Variants in FRAS1 observed in about 807,000 individuals in gnomAD.
The protein encoded by FRAS1 is Fraser extracellular matrix complex subunit 1, also known as extracellular matrix organizing protein FRAS1.
Under a neutral mutation model 435.2 loss-of-function variants are expected in FRAS1, and 290 were observed. The ratio of observed to expected loss-of-function variants is 0.67; its 90% CI spans 0.61 to 0.73. The LOEUF (loss-of-function observed/expected upper bound fraction) is 0.73, where lower values mean the gene tolerates loss of function less well. FRAS1 is among the 30% of genes least tolerant of loss of function. FRAS1 has a pLI of 0.00. For missense variants in FRAS1, 4,860 were observed against 5,001.5 expected (o/e 0.97, Z 0.85); for synonymous variants, 1,800 against 1,851.0 (o/e 0.97, Z 0.71).
At chr4:78,177,691 A>G (rs1721836066) in intron 2 of FRAS1, among the ~76,000 whole-genome samples, 1 of 152,174 alleles carries the variant, frequency 6.6e-6, no homozygotes, top group Admixed American at 6.5e-5. Flanking sequence ...CTCCTGGTTC[A>G]TCACCATCAA....
At chr4:78,440,013 A>AT (rs1734589950) in intron 40 of FRAS1, among the ~76,000 whole-genome samples, 1 of 123,228 alleles carries the variant, frequency 8.1e-6, no homozygotes, top group African/African-American at 3.1e-5. Flanking sequence ...AAACTAAGTC[A>AT]TTTCTTTTTT....
rs143760551 is a variant in FRAS1 at position 78,195,296 on chromosome 4, A to C, written c.109-42214A>C. Among the ~76,000 whole-genome samples, 1,061 of 152,332 alleles carry C rather than the reference A, an allele frequency of 7.0e-3. 10 individuals are homozygous for C. Among genetic ancestry groups the C allele is most frequent in the Middle Eastern group, 0.027 (8 of 294 alleles). Reference sequence around the variant, plus strand: ...CTGGGAGAACCACTGCTCTCCTCAAAGCTGTCAGCCAGGGACATTTAAGTC... The same window carrying C: ...CTGGGAGAACCACTGCTCTCCTCAACGCTGTCAGCCAGGGACATTTAAGTC... On this transcript the variant is annotated intron_variant, in intron 2 of 73. Coordinates refer to ENST00000512123, the MANE Select transcript of FRAS1 (RefSeq NM_025074.7).
At chr4:78,331,945 A>G (rs1729965915) in intron 18 of FRAS1, among the ~76,000 whole-genome samples, 1 of 152,214 alleles carries the variant, frequency 6.6e-6, no homozygotes, top group Non-Finnish European at 1.5e-5. Flanking sequence ...CTCATAGCAT[A>G]AAAGGCCACA....
chr4:78,449,783 A>G (rs1718966811), intron 44 of FRAS1, among the ~76,000 whole-genome samples: 1 of 152,192 alleles, frequency 6.6e-6, no homozygotes, highest in Non-Finnish European at 1.5e-5. Flanking sequence ...CAGTAAGTAA[A>G]CTAAATCCAA....
At chr4:78,178,406 A>C (rs1197050871) in intron 2 of FRAS1, among the ~76,000 whole-genome samples, 1 of 152,248 alleles carries the variant, frequency 6.6e-6, no homozygotes, top group Non-Finnish European at 1.5e-5. Flanking sequence ...CAATTTGTAT[A>C]GATGTTGATA....
rs1019417826 is a variant in FRAS1, at chr4:78,296,800, A to C, written c.1534+10261A>C. 3.3e-5 allele frequency among the ~76,000 whole-genome samples: 5 copies of C among 151,968 alleles called. No individual in the cohort carries two copies. In the South Asian group the frequency reaches 1.0e-3, roughly 32 times the overall value. On this transcript the variant is annotated intron_variant, in intron 14 of 73. Transcript: ENST00000512123. ...TGCACTTTAATTTGCTCCCTTTAAAATTACTTTGATTTTGACAGCAGTTGA... is the reference window on the plus strand; with the variant it reads ...TGCACTTTAATTTGCTCCCTTTAAACTTACTTTGATTTTGACAGCAGTTGA...
chr4:78,434,421 T>TA (rs1427832258), intron 38 of FRAS1, among the ~76,000 whole-genome samples: 2 of 152,184 alleles, frequency 1.3e-5, no homozygotes, highest in Non-Finnish European at 2.9e-5. Context: ...CTTAGCAAGT[T>TA]ACTTAAACTC....
rs115642466 is a variant in FRAS1, at chr4:78,414,267, C to T, written c.4425+1182C>T. On this transcript the variant is annotated intron_variant, in intron 32 of 73. Coordinates refer to ENST00000512123, the MANE Select transcript of FRAS1 (RefSeq NM_025074.7). ...AACTGTTAAGAAAAATGTGCACACA[C>T]AGGTCTTGCCAAATGCTAATGCAGT... Among the ~76,000 whole-genome samples, 1,385 of 152,280 alleles carry T rather than the reference C, an allele frequency of 9.1e-3. 21 individuals are homozygous for T. Among genetic ancestry groups the T allele is most frequent in the African/African-American group, 0.032 (1,328 of 41,546 alleles).
At chr4:78,216,207 C>T (rs1359715580) in intron 2 of FRAS1, among the ~76,000 whole-genome samples, 1 of 152,206 alleles carries the variant, frequency 6.6e-6, no homozygotes, top group Non-Finnish European at 1.5e-5. Flanking sequence ...TGTTCTTTCC[C>T]ATGAAATGGT....
At chr4:78,402,420 T>G (rs1459644194) in intron 30 of FRAS1, among the ~76,000 whole-genome samples, 2 of 152,142 alleles carry the variant, frequency 1.3e-5, no homozygotes, top group Non-Finnish European at 2.9e-5. Context: ...TATAAAATGG[T>G]CAGTCTAGCT....
chr4:78,439,705 G>A (rs1734576866), intron 40 of FRAS1, among the ~76,000 whole-genome samples: 1 of 151,926 alleles, frequency 6.6e-6, no homozygotes, highest in Admixed American at 6.6e-5. Flanking sequence ...GTGTTGCCCA[G>A]GCTGAACTGG....
intron 2 of FRAS1, among the ~76,000 whole-genome samples, chr4:78,136,100 CAT>C (rs970663512): frequency 1.2e-4 from 19 of 152,312 alleles, no homozygotes; most frequent in South Asian, 6.2e-4. Context: ...ATATCTAACA[CAT>C]GTGTTTTTTC....
intron 50 of FRAS1, 33 bp downstream of exon 50, chr4:78,466,468 A>T: frequency 6.7e-7 from 1 of 1,497,818 alleles, no homozygotes; most frequent in Non-Finnish European, 9.2e-7. Flanking sequence ...GAGGTAGCCT[A>T]GCACTGCATG....
intron 18 of FRAS1, among the ~76,000 whole-genome samples, chr4:78,326,512 G>C (rs957046656): frequency 6.6e-6 from 1 of 152,184 alleles, no homozygotes; most frequent in Non-Finnish European, 1.5e-5. Context: ...TTTACATTAA[G>C]TGCATATAGG....
chr4:78,478,936 T>C (rs1719930908), intron 55 of FRAS1, among the ~76,000 whole-genome samples: 1 of 152,236 alleles, frequency 6.6e-6, no homozygotes, highest in Non-Finnish European at 1.5e-5. Context: ...TTTGTCTTTC[T>C]CTTTTTAAAT....
chr4:78,427,732 A>T (rs1029523897), intron 35 of FRAS1, among the ~76,000 whole-genome samples: 1 of 152,274 alleles, frequency 6.6e-6, no homozygotes, highest in Non-Finnish European at 1.5e-5. Context: ...CTTACCTTCA[A>T]TAGGGCTGTT....
chr4:78,362,759 G>A (rs1731123938), intron 20 of FRAS1, among the ~76,000 whole-genome samples: 2 of 152,194 alleles, frequency 1.3e-5, no homozygotes, highest in Non-Finnish European at 2.9e-5. Flanking sequence ...TCTCAGAAGA[G>A]AGTGGAGCTG....
chr4:78,452,173 A>C lies in FRAS1; in HGVS notation c.6584-2A>C. On this transcript the variant is annotated splice_acceptor_variant, in intron 46 of 73. Coordinates refer to ENST00000512123, the MANE Select transcript of FRAS1 (RefSeq NM_025074.7). LOFTEE classifies it high-confidence loss of function. ...TCAAATCACTATTTCTGATATTTTC[A>C]GAAGACAAATCCCCACCAGTCATCA... The C allele has an allele frequency of 6.2e-7, 1 of 1,613,370 alleles. No individual in the cohort carries two copies. Among genetic ancestry groups the C allele is most frequent in the African/African-American group, 1.3e-5 (1 of 75,014 alleles).
At chr4:78,492,726 A>G (rs1407277381) in intron 59 of FRAS1, among the ~76,000 whole-genome samples, 2 of 152,144 alleles carry the variant, frequency 1.3e-5, no homozygotes, top group Non-Finnish European at 2.9e-5. Flanking sequence ...CATTCAGGAC[A>G]AGGACAAGGC....
Sources: gnomAD v4.1 joint callset for allele counts (sites outside exome capture counted in the v4.1 genomes callset) on GRCh38, gnomAD v4.1.1 for gene constraint, MANE v1.5 for transcripts, NCBI Gene and HGNC (gene_info 2026-07-23, HGNC 2026-07-21) for gene names.